Variants in PREX1 observed in about 807,000 individuals in gnomAD.
The protein encoded by PREX1 is phosphatidylinositol-3,4,5-trisphosphate dependent Rac exchange factor 1.
PREX1 carries 41 observed loss-of-function variants against 198.3 expected under a neutral mutation model. The observed-to-expected ratio is 0.21, with a 90% CI of 0.16 to 0.27. The LOEUF (loss-of-function observed/expected upper bound fraction) is 0.27. PREX1 is among the 10% of genes least tolerant of loss of function. The pLI, the probability that PREX1 is intolerant of heterozygous loss-of-function variation, is 1.00. For missense variants in PREX1, 1,620 were observed against 2,200.7 expected (o/e 0.74, Z 5.28); for synonymous variants, 843 against 887.2 (o/e 0.95, Z 0.89).
At chr20:48,634,093 T>TCCAG (rs2089339236) in intron 33 of PREX1, among the ~76,000 whole-genome samples, 1 of 146,742 alleles carries the variant, frequency 6.8e-6, no homozygotes, top group Admixed American at 6.8e-5. Flanking sequence ...GACGGATGGA[T>TCCAG]GGATGGATGC....
Position 48,651,036 on chromosome 20 carries a change from G to C in PREX1, c.2675C>G (p.Ala892Gly). ...LTAKILEAFA[A>G]NDSVFVENCR... ...GTTCTCCACGAAGACGCTGTCATTG[G>C]CAGCAAAGGCCTCGAGGATCTGCAG... The change falls in exon 23 of 40, where the codon GCC becomes GGC. Residue 892 changes from alanine (A) to glycine (G), a missense_variant. Physicochemically the swap from Ala to Gly is moderately conservative, Grantham distance 60. This residue lies in a region of PREX1 where 514 missense variants were observed against 611.6 expected (regional missense o/e 0.84). Transcript: ENST00000371941. 2 of 1,614,096 alleles carry C rather than the reference G, an allele frequency of 1.2e-6. No individual in the cohort carries two copies. Among genetic ancestry groups the C allele is most frequent in the Non-Finnish European group, 1.7e-6 (2 of 1,180,036 alleles).
chr20:48,870,564 G>A, the PREX1 span, among the ~76,000 whole-genome samples: 1 of 152,214 alleles, frequency 6.6e-6, no homozygotes. Flanking sequence ...AATCTTACTT[G>A]AGGGTGGTGA....
chr20:48,746,116 G>A (rs1234321291), intron 2 of PREX1, among the ~76,000 whole-genome samples: 2 of 152,180 alleles, frequency 1.3e-5, no homozygotes, highest in African/African-American at 4.8e-5. Flanking sequence ...CGTCTCCAGG[G>A]TTCAAGCAAT....
intron 1 of PREX1, among the ~76,000 whole-genome samples, chr20:48,803,143 T>C (rs1233953610): frequency 6.6e-6 from 1 of 152,076 alleles, no homozygotes; most frequent in Non-Finnish European, 1.5e-5. Flanking sequence ...CCCAGATAAG[T>C]AGGTAATAGC....
chr20:48,829,422 T>C (rs1487846231), upstream of PREX1, among the ~76,000 whole-genome samples: 2 of 152,206 alleles, frequency 1.3e-5, no homozygotes, highest in Admixed American at 6.5e-5. Context: ...GGCCTCTCAA[T>C]ACTGTAAGTG....
upstream of PREX1, among the ~76,000 whole-genome samples, chr20:48,831,200 C>T (rs1322704657): frequency 6.6e-6 from 1 of 152,218 alleles, no homozygotes; most frequent in African/African-American, 2.4e-5. Flanking sequence ...AAGACTCTGT[C>T]TCCTCTGTGC....
At chr20:48,677,948 T>G (rs2089720842) in intron 13 of PREX1, among the ~76,000 whole-genome samples, 1 of 151,820 alleles carries the variant, frequency 6.6e-6, no homozygotes, top group Non-Finnish European at 1.5e-5. Context: ...ATCATGCCAA[T>G]GCACTCCAGC....
rs2089972127 is a variant in PREX1, at chr20:48,718,533, A to G, written c.621+7757T>C. 2.0e-5 allele frequency among the ~76,000 whole-genome samples: 3 copies of G among 152,380 alleles called. No individual in the cohort carries two copies. The South Asian group carries it at 6.2e-4, about 32-fold the overall frequency. ...ATCAAAAAGAAGGACGGCAGAACCA[A>G]GTTCAAATATATTAATAAACACAAT... On this transcript the variant is annotated intron_variant, in intron 5 of 39. Transcript: ENST00000371941.
chr20:48,877,468 T>C, the PREX1 span, among the ~76,000 whole-genome samples: 18,071 of 152,004 alleles, frequency 0.12, 1,261 homozygotes, highest in Non-Finnish European at 0.16. Flanking sequence ...GTGGTGGCTC[T>C]CAGTGGCAAA....
rs771445757 is a variant in PREX1, at chr20:48,676,272, T to C, written c.1590-4A>G. 1.9e-6 allele frequency: 3 copies of C among 1,613,354 alleles called. No homozygotes were observed. Among genetic ancestry groups the C allele is most frequent in the Non-Finnish European group, 2.5e-6 (3 of 1,179,552 alleles). ...CTTCAGGTGGTAATCACGGTCTCTGTGGAGAAGGTGAGCGCACAGTGAGCA... is the reference window on the plus strand; with the variant it reads ...CTTCAGGTGGTAATCACGGTCTCTGCGGAGAAGGTGAGCGCACAGTGAGCA... On this transcript the variant is annotated splice_polypyrimidine_tract_variant and splice_region_variant and intron_variant, in intron 13 of 39. Coordinates refer to ENST00000371941, the MANE Select transcript of PREX1 (RefSeq NM_020820.4).
chr20:48,842,848 A>G, the PREX1 span, among the ~76,000 whole-genome samples: 1 of 152,070 alleles, frequency 6.6e-6, no homozygotes, highest in African/African-American at 2.4e-5. Context: ...GATGATAATC[A>G]TAATAACAGA....
At chr20:48,655,745 G>A (rs2089538062) in intron 18 of PREX1, among the ~76,000 whole-genome samples, 1 of 152,114 alleles carries the variant, frequency 6.6e-6, no homozygotes, top group South Asian at 2.1e-4. Context: ...AGGGTGAGAA[G>A]TGATCTGCTG....
Position 48,794,330 on chromosome 20 carries a change from CAG to C in PREX1, c.219+33310_219+33311del, listed in dbSNP as rs1369316042. On this transcript the variant is annotated intron_variant, in intron 1 of 39. Transcript: ENST00000371941. ...AGAGAATGAGACTGAGACAGAAAAACAGAGAGAGGGAAGGCAAGGGGCGGACA... is the reference window on the plus strand; with the variant it reads ...AGAGAATGAGACTGAGACAGAAAAACAGAGAGGGAAGGCAAGGGGCGGACA... Among the ~76,000 whole-genome samples, 12 of 152,300 alleles carry C rather than the reference CAG, an allele frequency of 7.9e-5. 1 individual carries two copies. The highest frequency in any genetic ancestry group is 2.9e-4 in the African/African-American group (12 of 41,574).
chr20:48,863,032 T>A, the PREX1 span, among the ~76,000 whole-genome samples: 1 of 151,770 alleles, frequency 6.6e-6, no homozygotes, highest in African/African-American at 2.4e-5. Context: ...CACACCAGGT[T>A]GCCTGGGCTG....
the PREX1 span, among the ~76,000 whole-genome samples, chr20:48,861,348 T>C: frequency 6.6e-6 from 1 of 152,256 alleles, no homozygotes; most frequent in East Asian, 1.9e-4. Flanking sequence ...CCAGGAATTA[T>C]ATCTGACCCC....
chr20:48,665,013 C>G (rs2089626888), intron 15 of PREX1, among the ~76,000 whole-genome samples: 1 of 136,420 alleles, frequency 7.3e-6, no homozygotes, highest in Non-Finnish European at 1.6e-5. Context: ...CTAATCCCGA[C>G]TCCAGACGGC....
chr20:48,718,536 T>G (rs2089972143), intron 5 of PREX1, among the ~76,000 whole-genome samples: 1 of 152,072 alleles, frequency 6.6e-6, no homozygotes, highest in Non-Finnish European at 1.5e-5. Flanking sequence ...AGAACCAAGT[T>G]CAAATATATT....
chr20:48,671,571 A>C (rs1192649931), intron 14 of PREX1, among the ~76,000 whole-genome samples: 1 of 152,256 alleles, frequency 6.6e-6, no homozygotes, highest in African/African-American at 2.4e-5. Flanking sequence ...GGGGTAAAAT[A>C]ACCTAGAGTT....
At chr20:48,682,071 C>T (rs2089755051) in intron 10 of PREX1, among the ~76,000 whole-genome samples, 1 of 152,188 alleles carries the variant, frequency 6.6e-6, no homozygotes, top group South Asian at 2.1e-4. Flanking sequence ...CAAGGCCCAG[C>T]ATGACCCACT....
Sources: allele counts gnomAD v4.1 joint callset (sites outside exome capture counted in the v4.1 genomes callset), GRCh38; gene constraint gnomAD v4.1.1; regional missense constraint gnomAD v4.1.1; transcripts MANE v1.5; gene names NCBI Gene and HGNC (gene_info 2026-07-23, HGNC 2026-07-21).